The following CTTN variants were observed in gnomAD, a reference collection of about 807,000 sequenced individuals.
CTTN encodes src substrate cortactin.
A neutral mutation model predicts 84.0 loss-of-function variants in CTTN; 28 were observed. The ratio of observed to expected loss-of-function variants is 0.33; its 90% CI spans 0.25 to 0.46. The LOEUF is 0.46. CTTN is among the 20% of genes least tolerant of loss of function. The pLI is 1.00. For missense variants in CTTN, 641 were observed against 723.8 expected (o/e 0.89, Z 1.31); for synonymous variants, 301 against 288.8 (o/e 1.04, Z -0.43).
chr11:70,426,270 G>C (rs1416600899), intron 13 of CTTN, among the ~76,000 whole-genome samples: 1 of 152,048 alleles, frequency 6.6e-6, no homozygotes, highest in African/African-American at 2.4e-5. Context: ...AATTAGCCAG[G>C]CATGGTGGCG....
At chr11:70,403,607 T>C (rs375908331) in intron 1 of CTTN, among the ~76,000 whole-genome samples, 4 of 152,298 alleles carry the variant, frequency 2.6e-5, no homozygotes, top group African/African-American at 9.6e-5. Flanking sequence ...TTTCCTCTAG[T>C]GTTTTGGTGT....
intron 1 of CTTN, among the ~76,000 whole-genome samples, chr11:70,401,651 CAAAAAAAAACA>C (rs2057983725): frequency 8.3e-6 from 1 of 120,214 alleles, no homozygotes. Flanking sequence ...TCGTCTCAAA[CAAAAAAAAACA>C]AAAAAAAAAA....
chr11:70,421,645 C>T (rs1449478307), intron 11 of CTTN, 65 bp downstream of exon 11: 1 of 1,106,662 alleles, frequency 9.0e-7, no homozygotes, highest in African/African-American at 1.5e-5. Context: ...CTAGCACAGA[C>T]TTCAGGGCTC....
intron 11 of CTTN, 151 bp downstream of exon 11, chr11:70,421,731 T>G: frequency 1.6e-6 from 1 of 639,692 alleles, no homozygotes; most frequent in South Asian, 1.8e-5. Context: ...TTTAAACCCA[T>G]TTCTAGTAGA....
Position 70,407,376 on chromosome 11 carries a change from G to C in CTTN, c.79G>C (p.Asp27His). Residue 27 changes from aspartate to histidine, a missense_variant, in exon 3 of 18, where the codon GAT (aspartate) becomes CAT (histidine). Asp to His is a moderately conservative substitution (Grantham distance 81, BLOSUM62 -1). Coordinates refer to ENST00000301843, the MANE Select transcript of CTTN (RefSeq NM_005231.4). Reference protein sequence around the residue: ...AGADDWETDPDFVNDVSEKEQ... With the variant: ...AGADDWETDPHFVNDVSEKEQ... ...GGCCGATGACTGGGAGACCGACCCTGATTTTGTGGTAGGAGCCGCCAGCCT... is the reference window on the plus strand; with the variant it reads ...GGCCGATGACTGGGAGACCGACCCTCATTTTGTGGTAGGAGCCGCCAGCCT... 1 of 1,598,838 alleles carries C rather than the reference G, an allele frequency of 6.3e-7. No individual in the cohort carries two copies. The highest frequency in any genetic ancestry group is 8.5e-7 in the Non-Finnish European group (1 of 1,172,296).
intron 11 of CTTN, chr11:70,421,811 AG>A: frequency 5.8e-6 from 3 of 514,840 alleles, no homozygotes; most frequent in Non-Finnish European, 1.0e-5. Flanking sequence ...AGGATGCGCC[AG>A]TTAGTGTGTG....
chr11:70,416,273 T>G (rs12800598), intron 7 of CTTN: 38,186 of 152,770 alleles, frequency 0.25, 5,514 homozygotes, highest in Non-Finnish European at 0.31. Context: ...CATTGCATCA[T>G]CCGCGGAACA....
Position 70,415,727 on chromosome 11 carries a change from GA to G in CTTN, c.457+13del. 6.2e-7 allele frequency: 1 copy of G among 1,613,982 alleles called. No homozygotes were observed. The highest frequency in any genetic ancestry group is 8.5e-7 in the Non-Finnish European group (1 of 1,179,862). Reference sequence around the variant, plus strand: ...CATGCCTCCCAGAAAGGTAAGACGCGAAAGGTGCAGAAAGAGCCCGCTCCGG... The same window carrying G: ...CATGCCTCCCAGAAAGGTAAGACGCGAAGGTGCAGAAAGAGCCCGCTCCGG... On this transcript the variant is annotated intron_variant, in intron 7 of 17. Coordinates refer to ENST00000301843, the MANE Select transcript of CTTN (RefSeq NM_005231.4).
intron 17 of CTTN, 26 bp downstream of exon 17, chr11:70,433,744 A>G (rs1420216888): frequency 6.5e-7 from 1 of 1,547,376 alleles, no homozygotes; most frequent in Non-Finnish European, 8.9e-7. Context: ...AAGCACTTGG[A>G]GGGGAGACCC....
intron 14 of CTTN, among the ~76,000 whole-genome samples, chr11:70,429,680 C>T (rs1262209633): frequency 6.6e-6 from 1 of 152,160 alleles, no homozygotes; most frequent in Non-Finnish European, 1.5e-5. Context: ...TCACCCAAGC[C>T]CCTGGGCTGT....
chr11:70,434,413 C>T (rs1242096773), intron 17 of CTTN, among the ~76,000 whole-genome samples: 2 of 152,280 alleles, frequency 1.3e-5, no homozygotes, highest in African/African-American at 2.4e-5. Flanking sequence ...TCAGAACCCC[C>T]GGCCTCTGCC....
intron 12 of CTTN, among the ~76,000 whole-genome samples, chr11:70,423,614 G>A (rs1013456361): frequency 5.9e-5 from 9 of 152,174 alleles, no homozygotes; most frequent in Non-Finnish European, 1.0e-4. Context: ...GGGCAGGCGC[G>A]AGTTCACCAG....
At chr11:70,412,124 T>TA (rs1451810037) in intron 5 of CTTN, among the ~76,000 whole-genome samples, 1 of 152,166 alleles carries the variant, frequency 6.6e-6, no homozygotes, top group East Asian at 1.9e-4. Context: ...ATGGGACAGA[T>TA]ACGTTGTCAA....
At position 70,407,362 on chromosome 11, in the gene CTTN, G is replaced by A. The variant is rs781284152; in HGVS notation, c.65G>A (p.Trp22Ter). 1 of 1,583,172 alleles carries A rather than the reference G, an allele frequency of 6.3e-7. No homozygotes were observed. The highest frequency in any genetic ancestry group is 8.6e-7 in the Non-Finnish European group (1 of 1,164,474). Reference protein sequence around the residue: ...IAQDDAGADDWETDPDFVNDV... With the variant: ...IAQDDAGADD ...CAGGATGACGCGGGGGCCGATGACTGGGAGACCGACCCTGATTTTGTGGTA... is the reference window on the plus strand; with the variant it reads ...CAGGATGACGCGGGGGCCGATGACTAGGAGACCGACCCTGATTTTGTGGTA... Residue 22 changes from tryptophan (W) to a stop codon, truncating the protein, a stop_gained, in exon 3 of 18, where the codon TGG becomes TAG. Coordinates refer to ENST00000301843, the MANE Select transcript of CTTN (RefSeq NM_005231.4). LOFTEE classifies it high-confidence loss of function.
At chr11:70,421,305 A>T (rs1211387546) in intron 10 of CTTN, among the ~76,000 whole-genome samples, 165 bp from the exon 11 acceptor site, 1 of 152,172 alleles carries the variant, frequency 6.6e-6, no homozygotes, top group Non-Finnish European at 1.5e-5. Flanking sequence ...CTCTGGAGCC[A>T]CCTTCTGGCG....
chr11:70,399,952 T>G (rs2135541971), intron 1 of CTTN, among the ~76,000 whole-genome samples: 1 of 152,328 alleles, frequency 6.6e-6, no homozygotes, highest in Non-Finnish European at 1.5e-5. Flanking sequence ...TGCCCCTGTC[T>G]CCATTCACGT....
chr11:70,410,681 G>A (rs1410831818), intron 5 of CTTN, among the ~76,000 whole-genome samples: 2 of 152,194 alleles, frequency 1.3e-5, no homozygotes, highest in African/African-American at 4.8e-5. Context: ...AGATCGCAGT[G>A]TGTTTGCATG....
chr11:70,401,967 C>A lies in CTTN; in HGVS notation c.-97-3298C>A, dbSNP rs185227634. 7.2e-5 allele frequency among the ~76,000 whole-genome samples: 11 copies of A among 152,140 alleles called. 1 individual carries two copies. In the East Asian group the frequency reaches 2.1e-3, roughly 30 times the overall value. Reference sequence around the variant, plus strand: ...GGAGTTGGAGATCAGCCTGGACCAACATAATGAAACCCCATCTCTACTAAA... The same window carrying A: ...GGAGTTGGAGATCAGCCTGGACCAAAATAATGAAACCCCATCTCTACTAAA... On this transcript the variant is annotated intron_variant, in intron 1 of 17. Coordinates refer to ENST00000301843, the MANE Select transcript of CTTN (RefSeq NM_005231.4).
chr11:70,424,608 G>T (rs977656234), intron 12 of CTTN, among the ~76,000 whole-genome samples: 2 of 152,034 alleles, frequency 1.3e-5, no homozygotes, highest in African/African-American at 4.8e-5. Flanking sequence ...AAGGCTGATG[G>T]CCTTGCCTTT....
Sources: allele counts gnomAD v4.1 joint callset (sites outside exome capture counted in the v4.1 genomes callset), GRCh38; gene constraint gnomAD v4.1.1; transcripts MANE v1.5; gene names NCBI Gene and HGNC (gene_info 2026-07-23, HGNC 2026-07-21).